Variants in SAC3D1 observed in about 807,000 individuals in gnomAD.
SAC3D1 encodes the protein SAC3 domain-containing protein 1.
SAC3D1 carries 10 observed loss-of-function variants against 12.7 expected under a neutral mutation model. The observed-to-expected ratio is 0.79, with a 90% CI of 0.49 to 1.34. The LOEUF is 1.34. Ranked by LOEUF, SAC3D1 falls within the 40% of genes most tolerant of loss-of-function variation. The probability of loss-of-function intolerance (pLI) is 0.00; values close to 1 mark genes in which losing one functional copy is unlikely to be tolerated. For missense variants in SAC3D1, 482 were observed against 531.1 expected, an observed-to-expected ratio of 0.91 and a Z score of 0.91; for synonymous variants, 241 against 250.8, an observed-to-expected ratio of 0.96 and a Z score of 0.37.
chr11:65,043,065 A>T (rs1253163708), intron 1 of SAC3D1: 1 of 447,546 alleles, frequency 2.2e-6, no homozygotes, highest in Non-Finnish European at 4.5e-6. Flanking sequence ...TCCTGGGCTC[A>T]AGTGATCCTC....
intron 1 of SAC3D1, among the ~76,000 whole-genome samples, chr11:65,042,370 C>T (rs1309008148): frequency 6.6e-6 from 1 of 152,038 alleles, no homozygotes; most frequent in Non-Finnish European, 1.5e-5. Flanking sequence ...GCTGGGATTA[C>T]AGGCGTGAGC....
intron 1 of SAC3D1, chr11:65,042,072 T>C (rs533862097): frequency 4.8e-6 from 3 of 618,900 alleles, no homozygotes; most frequent in Admixed American, 4.5e-5. Context: ...GGGGCAAGGG[T>C]GGAAAGGGAG....
In SAC3D1 at chr11:65,041,255, G is replaced by C. The variant is rs755070223; in HGVS notation, c.-38G>C. Reference sequence around the variant, plus strand: ...GCCTTCCCGCAGCACTGCCGTCCCCGGGATGCTGAGCGCCCACCGTCTCCC... The same window carrying C: ...GCCTTCCCGCAGCACTGCCGTCCCCCGGATGCTGAGCGCCCACCGTCTCCC... On this transcript the variant is annotated 5_prime_UTR_variant, in exon 1 of 2. Transcript: ENST00000652489. 9 of 1,483,334 alleles carry C rather than the reference G, an allele frequency of 6.1e-6. No individual in the cohort carries two copies. Among genetic ancestry groups the C allele is most frequent in the African/African-American group, 1.5e-5 (1 of 68,032 alleles). The allele number at this position is 1,483,334 out of a possible 1,614,324, so 91.9% of individuals were successfully genotyped here.
chr11:65,040,971 A>G (rs1441992634), upstream of SAC3D1: 1 of 420,854 alleles, frequency 2.4e-6, no homozygotes, highest in Non-Finnish European at 4.3e-6. Context: ...TACACGTTAA[A>G]AACACTAAGG....
upstream of SAC3D1, chr11:65,041,078 A>G (rs897371055): frequency 1.7e-6 from 1 of 597,670 alleles, no homozygotes; most frequent in Non-Finnish European, 2.9e-6. Flanking sequence ...AACGCAGTGC[A>G]TCTCGGGAGG....
chr11:65,041,450 A>T lies in SAC3D1; in HGVS notation c.158A>T (p.Glu53Val). The T allele has an allele frequency of 6.7e-7, 1 of 1,489,460 alleles. No homozygotes were observed. The highest frequency in any genetic ancestry group is 8.9e-7 in the Non-Finnish European group (1 of 1,126,318). 92.3% of individuals were successfully genotyped at this position (1,489,460 alleles called of 1,614,324 possible). The change falls in exon 1 of 2, where the codon GAG (glutamate) becomes GTG (valine). Residue 53 changes from glutamate to valine, a missense_variant. This residue lies in a region of SAC3D1 where 197 missense variants were observed against 183.2 expected (regional missense o/e 1.08). Transcript: ENST00000652489. ...PRADPQRAVK[E>V]YSRPAAGKPR... ...GCGGATCCGCAGCGCGCGGTGAAGG[A>T]GTACAGCCGACCCGCCGCCGGCAAG...
chr11:65,042,805 G>C, intron 1 of SAC3D1, among the ~76,000 whole-genome samples: 1 of 152,032 alleles, frequency 6.6e-6, no homozygotes, highest in Non-Finnish European at 1.5e-5. Context: ...GCCTCCCAAA[G>C]TGCTGGGATT....
Position 65,041,614 on chromosome 11 carries a change from G to T in SAC3D1, c.322G>T (p.Val108Leu), listed in dbSNP as rs1316484829. The T allele has an allele frequency of 6.1e-6, 9 of 1,470,764 alleles. No homozygotes were observed. The African/African-American group carries it at 1.3e-4, about 22-fold the overall frequency. 91.1% of individuals were successfully genotyped at this position (1,470,764 alleles called of 1,614,324 possible). A position where few individuals can be genotyped will look rare whatever the true frequency, so the allele number is the denominator to read the frequency against. Residue 108 changes from valine to leucine, a missense_variant, in exon 1 of 2, where the codon GTG becomes TTG. Around this residue, in one of 3 missense-constraint regions of SAC3D1, gnomAD observed 197 missense variants for 183.2 expected, o/e 1.08. Coordinates refer to ENST00000652489, the MANE Select transcript of SAC3D1 (RefSeq NM_013299.4). ...CTTCGTGGCAGACCGCTTGCGAGCT[G>T]TGCTCCTGGACCTGGCGCTGCAGGG... is the stretch of plus-strand genomic sequence containing the variant. ...ASFVADRLRA[V>L]LLDLALQGAG...
rs1329231728 is a variant in SAC3D1 at position 65,041,621 on chromosome 11, T to C, written c.329T>C (p.Leu110Pro). 2.1e-6 allele frequency: 3 copies of C among 1,460,678 alleles called. No individual in the cohort carries two copies. Among genetic ancestry groups the C allele is most frequent in the South Asian group, 1.3e-5 (1 of 76,510 alleles). The allele number at this position is 1,460,678 out of a possible 1,614,324, so 90.5% of individuals were successfully genotyped here. A position where few individuals can be genotyped will look rare whatever the true frequency, so the allele number is the denominator to read the frequency against. Reference protein sequence around the residue: ...FVADRLRAVLLDLALQGAGDA... With the variant: ...FVADRLRAVLPDLALQGAGDA... Reference sequence around the variant, plus strand: ...GCAGACCGCTTGCGAGCTGTGCTCCTGGACCTGGCGCTGCAGGGAGCGGGC... The same window carrying C: ...GCAGACCGCTTGCGAGCTGTGCTCCCGGACCTGGCGCTGCAGGGAGCGGGC... The change falls in exon 1 of 2, where the codon CTG becomes CCG. Residue 110 changes from leucine to proline, a missense_variant. By Grantham distance (98) the Leu-to-Pro change is moderately conservative. Transcript: ENST00000652489.
Position 65,044,655 on chromosome 11 carries a change from A to C in SAC3D1, c.1005A>C (p.Gly335=). ...CKVLVESKLR[G]RTLEEVVMAE... ...TGTTAGTGGAGAGCAAACTTCGAGG[A>C]CGTACCCTGGAGGAGGTGGTCATGG... Residue 335 remains glycine (G), a synonymous_variant, in exon 2 of 2, where the codon GGA becomes GGC. Transcript: ENST00000652489. The surrounding 1 kb of genome is among the most constrained non-coding windows in gnomAD (Gnocchi z 4.0). The C allele has an allele frequency of 6.2e-7, 1 of 1,613,784 alleles. No individual in the cohort carries two copies. The highest frequency in any genetic ancestry group is 8.5e-7 in the Non-Finnish European group (1 of 1,180,008).
Position 65,044,202 on chromosome 11 carries a change from A to T in SAC3D1, c.575-23A>T, listed in dbSNP as rs763047863. On this transcript the variant is annotated intron_variant, in intron 1 of 1. Coordinates refer to ENST00000652489, the MANE Select transcript of SAC3D1 (RefSeq NM_013299.4). The surrounding 1 kb of genome is among the most constrained non-coding windows in gnomAD (Gnocchi z 4.0). ...GATCCTGTAAGGACCAGGCGTCCTC[A>T]TTCTGGCTTCCCGCTCTCACAGGCT... 1.2e-6 allele frequency: 2 copies of T among 1,608,576 alleles called. No individual in the cohort carries two copies. Among genetic ancestry groups the T allele is most frequent in the Admixed American group, 3.3e-5 (2 of 59,804 alleles).
chr11:65,041,307 G>A lies in SAC3D1; in HGVS notation c.15G>A (p.Glu5=). 2 of 1,505,874 alleles carry A rather than the reference G, an allele frequency of 1.3e-6. No individual in the cohort carries two copies. The highest frequency in any genetic ancestry group is 1.8e-6 in the Non-Finnish European group (2 of 1,134,876). The allele number at this position is 1,505,874 out of a possible 1,614,324, so 93.3% of individuals were successfully genotyped here. A position where few individuals can be genotyped will look rare whatever the true frequency, so the allele number is the denominator to read the frequency against. Residue 5 remains glutamate (E), a synonymous_variant, in exon 1 of 2, where the codon GAG becomes GAA. Transcript: ENST00000652489. MPGC[E]LPVGTCPDMC... is the part of the protein sequence containing the mutation. ...GCAGCCCCCTCATGCCCGGCTGCGA[G>A]CTGCCCGTGGGCACCTGCCCGGACA...
intron 1 of SAC3D1, 54 bp downstream of exon 1, chr11:65,041,920 A>T (rs962948952): frequency 2.2e-6 from 3 of 1,334,150 alleles, no homozygotes; most frequent in Non-Finnish European, 2.9e-6. Flanking sequence ...GCCCACCATG[A>T]CAGTGGAGGT....
chr11:65,041,290 C>CT lies in SAC3D1; in HGVS notation c.-2dup. The CT allele has an allele frequency of 6.7e-7, 1 of 1,502,010 alleles. No homozygotes were observed. Among genetic ancestry groups the CT allele is most frequent in the South Asian group, 1.2e-5 (1 of 80,640 alleles). The allele number at this position is 1,502,010 out of a possible 1,614,324, so 93.0% of individuals were successfully genotyped here. ...GCGCCCACCGTCTCCCCGCAGCCCC[C>CT]TCATGCCCGGCTGCGAGCTGCCCGT... On this transcript the variant is annotated 5_prime_UTR_variant, in exon 1 of 2. Coordinates refer to ENST00000652489, the MANE Select transcript of SAC3D1 (RefSeq NM_013299.4).
rs1946607049 is a variant in SAC3D1, at chr11:65,041,700, A to G, written c.408A>G (p.Val136=). Residue 136 remains valine (V), a synonymous_variant, in exon 1 of 2, where the codon GTA becomes GTG. Transcript: ENST00000652489. ...CGGCGCTGGCCACGCTGCTGACCGTAGTGGCGCGGCTCGGGCCCGACGCGG... is the reference window on the plus strand; with the variant it reads ...CGGCGCTGGCCACGCTGCTGACCGTGGTGGCGCGGCTCGGGCCCGACGCGG... The part of the protein sequence containing the change: ...LEAALATLLT[V]VARLGPDAAR... 1.5e-6 allele frequency: 2 copies of G among 1,326,018 alleles called. No homozygotes were observed. Among genetic ancestry groups the G allele is most frequent in the Admixed American group, 4.1e-5 (1 of 24,440 alleles). 82.1% of individuals were successfully genotyped at this position (1,326,018 alleles called of 1,614,324 possible). A position where few individuals can be genotyped will look rare whatever the true frequency, so the allele number is the denominator to read the frequency against.
chr11:65,041,840 A>G lies in SAC3D1; in HGVS notation c.548A>G (p.Gln183Arg). 3 of 1,468,886 alleles carry G rather than the reference A, an allele frequency of 2.0e-6. No homozygotes were observed. Among genetic ancestry groups the G allele is most frequent in the East Asian group, 3.0e-5 (1 of 33,562 alleles). The allele number at this position is 1,468,886 out of a possible 1,614,324, so 91.0% of individuals were successfully genotyped here. ...AGPHPRQPAF[Q>R]GLFLLYNLGS... ...CCGCACCCCCGCCAACCCGCCTTCC[A>G]GGGCCTCTTTCTGCTCTATAACCTG... Residue 183 changes from glutamine (Q) to arginine (R), a missense_variant, in exon 1 of 2, where the codon CAG (glutamine) becomes CGG (arginine). Gln to Arg is a conservative substitution (Grantham distance 43). Coordinates refer to ENST00000652489, the MANE Select transcript of SAC3D1 (RefSeq NM_013299.4).
upstream of SAC3D1, chr11:65,040,943 C>G (rs961652229): frequency 1.4e-5 from 5 of 349,992 alleles, no homozygotes; most frequent in Admixed American, 5.5e-5. Context: ...ACCGGTGTAT[C>G]ATGGGAGCGG....
Position 65,041,429 on chromosome 11 carries a change from A to T in SAC3D1, c.137A>T (p.Asp46Val), listed in dbSNP as rs1051209124. ...TGCCGCCAGGACCCGCCCCGCGCGG[A>T]TCCGCAGCGCGCGGTGAAGGAGTAC... ...PGCRQDPPRA[D>V]PQRAVKEYSR... The change falls in exon 1 of 2, where the codon GAT (aspartate) becomes GTT (valine). Residue 46 changes from aspartate (D) to valine (V), a missense_variant. This residue lies in a region of SAC3D1 where 197 missense variants were observed against 183.2 expected (regional missense o/e 1.08). Coordinates refer to ENST00000652489, the MANE Select transcript of SAC3D1 (RefSeq NM_013299.4). The T allele has an allele frequency of 6.7e-7, 1 of 1,503,364 alleles. No homozygotes were observed. The highest frequency in any genetic ancestry group is 1.5e-5 in the African/African-American group (1 of 68,954). The allele number at this position is 1,503,364 out of a possible 1,614,324, so 93.1% of individuals were successfully genotyped here.
chr11:65,042,020 G>T, intron 1 of SAC3D1, 154 bp downstream of exon 1: 2 of 1,024,180 alleles, frequency 2.0e-6, no homozygotes, highest in Non-Finnish European at 1.3e-6. Context: ...GGGACCTCGG[G>T]CCCATCTCTG....
Sources: gnomAD v4.1 joint callset for allele counts (sites outside exome capture counted in the v4.1 genomes callset) on GRCh38, gnomAD v4.1.1 for gene constraint, gnomAD v4.1.1 regional missense constraint, Gnocchi (gnomAD v3.1) non-coding constraint, MANE v1.5 for transcripts, NCBI Gene and HGNC (gene_info 2026-07-23, HGNC 2026-07-21) for gene names.